Variants in PASD1 observed in about 807,000 individuals in gnomAD.
PASD1 encodes PAS domain containing repressor 1.
Under a neutral mutation model 58.8 loss-of-function variants are expected in PASD1, and 13 were observed. The observed-to-expected ratio is 0.22, with a 90% CI of 0.14 to 0.35. The LOEUF (loss-of-function observed/expected upper bound fraction) is 0.35. Among genes scored for constraint, PASD1 ranks in the 10% least tolerant of loss-of-function variants. The pLI, the probability that PASD1 is intolerant of heterozygous loss-of-function variation, is 1.00. For synonymous variants in PASD1, 236 were observed against 216.7 expected, an observed-to-expected ratio of 1.09 and a Z score of -0.78; for missense variants, 734 against 568.3, an observed-to-expected ratio of 1.29 and a Z score of -2.96.
chrX:151,637,999 C>T (rs1351625981), intron 8 of PASD1, among the ~76,000 whole-genome samples: 1 of 111,309 alleles, frequency 9.0e-6, no homozygotes, highest in Non-Finnish European at 1.9e-5. Flanking sequence ...AAACATTGTT[C>T]TAATATTAAT....
At chrX:151,653,082 A>G (rs769066589) in intron 9 of PASD1, among the ~76,000 whole-genome samples, 1 of 110,644 alleles carries the variant, frequency 9.0e-6, no homozygotes, top group African/African-American at 3.3e-5. Flanking sequence ...AGGCTATCCC[A>G]GCAGTCCAAA....
intron 1 of PASD1, among the ~76,000 whole-genome samples, chrX:151,573,269 A>G (rs751461130): frequency 1.3e-3 from 145 of 111,359 alleles, no homozygotes; most frequent in Non-Finnish European, 2.4e-3. Context: ...TTACAATTCA[A>G]CATGAGATTT....
intron 1 of PASD1, among the ~76,000 whole-genome samples, chrX:151,601,019 ATTG>A (rs1426038224): frequency 4.5e-5 from 5 of 112,357 alleles, no homozygotes; most frequent in African/African-American, 9.7e-5. Flanking sequence ...TTTCAGGGCT[ATTG>A]TTTTATATGT....
At chrX:151,658,098 G>A (rs771426122) in intron 9 of PASD1, among the ~76,000 whole-genome samples, 1 of 111,564 alleles carries the variant, frequency 9.0e-6, no homozygotes, top group Non-Finnish European at 1.9e-5. Flanking sequence ...TCAGGTATTG[G>A]AGTTTGCATT....
chrX:151,607,145 G>A (rs990156868), intron 3 of PASD1, among the ~76,000 whole-genome samples: 1 of 111,558 alleles, frequency 9.0e-6, no homozygotes, highest in Admixed American at 9.6e-5. Flanking sequence ...TGTATTTTTA[G>A]GACATGTGTA....
At chrX:151,591,344 A>G (rs2013245053) in intron 1 of PASD1, among the ~76,000 whole-genome samples, 2 of 111,791 alleles carry the variant, frequency 1.8e-5, no homozygotes, top group African/African-American at 6.5e-5. Context: ...CACATCTATC[A>G]TACGTTTTTC....
chrX:151,588,749 C>T (rs1318298215), intron 1 of PASD1, among the ~76,000 whole-genome samples: 1 of 112,079 alleles, frequency 8.9e-6, no homozygotes, highest in Non-Finnish European at 1.9e-5. Flanking sequence ...TATGTTCTCT[C>T]TTAGTCTCTC....
intron 9 of PASD1, among the ~76,000 whole-genome samples, chrX:151,651,868 C>A (rs1200627270): frequency 1.8e-5 from 2 of 111,963 alleles, no homozygotes; most frequent in Admixed American, 9.5e-5. Context: ...AGTGTCAGAG[C>A]CAGGATTCAA....
intron 1 of PASD1, among the ~76,000 whole-genome samples, chrX:151,586,259 G>T (rs1173025303): frequency 8.9e-6 from 1 of 112,439 alleles, no homozygotes; most frequent in Admixed American, 9.4e-5. Flanking sequence ...TTTCACATCA[G>T]TTGGGCCTCC....
chrX:151,653,907 T>C (rs1261064495), intron 9 of PASD1, among the ~76,000 whole-genome samples: 15 of 66,035 alleles, frequency 2.3e-4, no homozygotes, highest in African/African-American at 8.8e-4. Flanking sequence ...TCTTTCTTTC[T>C]TTCTTTCTTT....
chrX:151,669,297 A>C (rs1237312105), intron 11 of PASD1, among the ~76,000 whole-genome samples: 1 of 107,999 alleles, frequency 9.3e-6, no homozygotes, highest in Non-Finnish European at 1.9e-5. Context: ...TGTTGTACAT[A>C]GTTTTGGATA....
chrX:151,597,551 T>C (rs1373844705), intron 1 of PASD1, among the ~76,000 whole-genome samples: 4 of 112,091 alleles, frequency 3.6e-5, no homozygotes, highest in Non-Finnish European at 7.5e-5. Context: ...TGTTTCTTGA[T>C]TAATCTTGTA....
At chrX:151,662,342 G>T (rs1462244096) in intron 10 of PASD1, among the ~76,000 whole-genome samples, 2 of 108,588 alleles carry the variant, frequency 1.8e-5, no homozygotes, top group African/African-American at 3.4e-5. Context: ...TTTTAGGTTG[G>T]CTCCCTTGTC....
At chrX:151,641,400 A>G (rs752683881) in intron 8 of PASD1, among the ~76,000 whole-genome samples, 7 of 112,057 alleles carry the variant, frequency 6.2e-5, no homozygotes, top group Non-Finnish European at 1.1e-4. Context: ...AAGGGACCTC[A>G]TGTTATAAAT....
rs781299099 is a variant in PASD1, at chrX:151,659,880, A to G, written c.841+44A>G. 3 of 1,158,888 alleles carry G rather than the reference A, an allele frequency of 2.6e-6. No individual in the cohort carries two copies. The East Asian group carries it at 9.0e-5, about 35-fold the overall frequency. On this transcript the variant is annotated intron_variant, in intron 10 of 15. Coordinates refer to ENST00000370357, the MANE Select transcript of PASD1 (RefSeq NM_173493.3). ...TTGGATAGGGACTATTAGAAGAAAA[A>G]CAGTGACCCCCAGGGTAGTTACAGT... is the stretch of plus-strand genomic sequence containing the variant.
At chrX:151,671,242 A>G in intron 12 of PASD1, 46 bp downstream of exon 12, 1 of 1,180,806 alleles carries the variant, frequency 8.5e-7, no homozygotes, top group Non-Finnish European at 1.1e-6. Flanking sequence ...GTTCTATATT[A>G]GTAGCAGAAG....
intron 1 of PASD1, among the ~76,000 whole-genome samples, chrX:151,571,743 T>G (rs1230189593): frequency 8.9e-6 from 1 of 112,151 alleles, no homozygotes; most frequent in Non-Finnish European, 1.9e-5. Flanking sequence ...TCAGTTTTTC[T>G]TTAAGAAAAA....
At chrX:151,641,153 C>T (rs2013991459) in intron 8 of PASD1, 1 of 109,745 alleles carries the variant, frequency 9.1e-6, no homozygotes, top group Non-Finnish European at 1.9e-5. Context: ...GAGGAAATAC[C>T]ACCAAGTGCT....
At chrX:151,659,187 C>G (rs186132325) in intron 9 of PASD1, among the ~76,000 whole-genome samples, 1 of 112,338 alleles carries the variant, frequency 8.9e-6, no homozygotes, top group African/African-American at 3.2e-5. Flanking sequence ...AGTTGTTAAA[C>G]AGCCCCTGGT....
Sources: allele counts gnomAD v4.1 joint callset (sites outside exome capture counted in the v4.1 genomes callset), GRCh38; gene constraint gnomAD v4.1.1; transcripts MANE v1.5; gene names NCBI Gene and HGNC (gene_info 2026-07-23, HGNC 2026-07-21).